Variants in ZNF423 observed in about 807,000 individuals in gnomAD.
ZNF423 encodes zinc finger protein 423.
A neutral mutation model predicts 95.8 loss-of-function variants in ZNF423; 12 were observed. The ratio of observed to expected loss-of-function variants is 0.13; its 90% CI spans 0.08 to 0.20. ZNF423 has a LOEUF of 0.20. Among genes scored for constraint, ZNF423 ranks in the 10% least tolerant of loss-of-function variants. The probability of loss-of-function intolerance (pLI) is 1.00; values close to 1 mark genes in which losing one functional copy is unlikely to be tolerated. For missense variants in ZNF423, 1,316 were observed against 1,737.1 expected (o/e 0.76, Z 4.31); for synonymous variants, 749 against 711.9 (o/e 1.05, Z -0.83).
At chr16:49,500,595 T>C (rs970799428) in intron 7 of ZNF423, among the ~76,000 whole-genome samples, 2 of 152,088 alleles carry the variant, frequency 1.3e-5, no homozygotes, top group African/African-American at 4.8e-5. Context: ...GAGAAGAGCC[T>C]GGGGTGGAAG....
chr16:49,849,423 C>T (rs950320120), intron 1 of ZNF423, among the ~76,000 whole-genome samples: 5 of 152,136 alleles, frequency 3.3e-5, no homozygotes, highest in Non-Finnish European at 7.3e-5. Flanking sequence ...CCTCAATGAC[C>T]CCAAATCCAG....
intron 3 of ZNF423, among the ~76,000 whole-genome samples, chr16:49,703,412 G>A (rs882351): frequency 0.012 from 1,883 of 152,330 alleles, 32 homozygotes; most frequent in African/African-American, 0.043. Context: ...CCAGGGCAGG[G>A]TGCCCATCCA....
chr16:49,727,446 T>A (rs1351375880), intron 3 of ZNF423, among the ~76,000 whole-genome samples: 1 of 109,608 alleles, frequency 9.1e-6, no homozygotes, highest in African/African-American at 3.6e-5. Context: ...CACAGCACTG[T>A]CCCAGATTCT....
chr16:49,793,921 G>A (rs1460427814), intron 1 of ZNF423, among the ~76,000 whole-genome samples: 1 of 152,182 alleles, frequency 6.6e-6, no homozygotes, highest in Non-Finnish European at 1.5e-5. Flanking sequence ...ACACTGGGAG[G>A]GGTCCCAGCA....
rs76199401 is a variant in ZNF423, at chr16:49,626,210, G to A, written c.3561C>T (p.Asn1187=). 8.0e-5 allele frequency: 129 copies of A among 1,613,992 alleles called. No homozygotes were observed. The East Asian group carries it at 2.5e-3, about 31-fold the overall frequency. The part of the protein sequence containing the change: ...QCIKCQMTFE[N]EREIQIHVAN... ...CAACGTGGATTTGGATCTCTCTCTC[G>A]TTCTCGAAGGTCATCTGGCACTTGA... Residue 1187 remains asparagine, a synonymous_variant, in exon 5 of 8, where the codon AAC becomes AAT. Transcript: ENST00000563137.
intron 3 of ZNF423, among the ~76,000 whole-genome samples, chr16:49,677,275 A>AGAGAAGAGAAGAGAT (rs2031115046): frequency 1.3e-5 from 1 of 76,522 alleles, no homozygotes; most frequent in African/African-American, 5.0e-5. Context: ...AGAGAAGAGA[A>AGAGAAGAGAAGAGAT]GAGAAGAGAA....
At chr16:49,562,395 G>T (rs1970048512) in intron 5 of ZNF423, among the ~76,000 whole-genome samples, 2 of 152,214 alleles carry the variant, frequency 1.3e-5, no homozygotes, top group Non-Finnish European at 2.9e-5. Flanking sequence ...TAGGACACAG[G>T]AGGATGGATG....
chr16:49,846,461 T>C (rs1054399751), intron 1 of ZNF423, among the ~76,000 whole-genome samples: 4 of 152,132 alleles, frequency 2.6e-5, no homozygotes, highest in African/African-American at 9.7e-5. Context: ...TCAACCTGTG[T>C]TTTTCAGGAT....
At chr16:49,794,021 GTCTCTCTCTCTC>G (rs5816660) in intron 1 of ZNF423, among the ~76,000 whole-genome samples, 2 of 148,656 alleles carry the variant, frequency 1.3e-5, no homozygotes, top group East Asian at 4.0e-4. Context: ...GTCTGTCTCT[GTCTCTCTCTCTC>G]TCTCTCTCTC....
At chr16:49,784,767 T>C (rs2034282424) in intron 2 of ZNF423, among the ~76,000 whole-genome samples, 1 of 151,996 alleles carries the variant, frequency 6.6e-6, no homozygotes, top group South Asian at 2.1e-4. Context: ...CTGGCCAACA[T>C]GGTGAAACCC....
chr16:49,556,706 T>G (rs935379214), intron 5 of ZNF423, among the ~76,000 whole-genome samples: 1 of 152,246 alleles, frequency 6.6e-6, no homozygotes, highest in African/African-American at 2.4e-5. Context: ...GTCTTGAAGC[T>G]CAGCACAAAT....
intron 7 of ZNF423, among the ~76,000 whole-genome samples, chr16:49,510,019 G>A (rs1348610641): frequency 6.6e-6 from 1 of 152,252 alleles, no homozygotes; most frequent in African/African-American, 2.4e-5. Context: ...CAGGGTTGCA[G>A]GTTCAGCTCT....
intron 4 of ZNF423, among the ~76,000 whole-genome samples, chr16:49,632,014 T>C (rs1431153195): frequency 6.6e-6 from 1 of 152,160 alleles, no homozygotes; most frequent in South Asian, 2.1e-4. Context: ...GGGATCTGGA[T>C]AGGCCCTCTA....
chr16:49,786,346 A>T (rs2034313769), intron 2 of ZNF423, among the ~76,000 whole-genome samples: 2 of 152,208 alleles, frequency 1.3e-5, no homozygotes, highest in Admixed American at 6.5e-5. Flanking sequence ...GTGAAGACAC[A>T]AACTGCGCAT....
chr16:49,762,144 C>T (rs771423146), intron 2 of ZNF423, among the ~76,000 whole-genome samples: 4 of 152,202 alleles, frequency 2.6e-5, no homozygotes, highest in Admixed American at 6.5e-5. Context: ...TCAGCAAAGG[C>T]GTTGAGGCCC....
At chr16:49,538,994 C>T (rs1018159547) in intron 5 of ZNF423, among the ~76,000 whole-genome samples, 15 of 152,206 alleles carry the variant, frequency 9.9e-5, no homozygotes, top group African/African-American at 7.2e-5. Context: ...CAGACAAACA[C>T]GAGGTGCTCA....
intron 3 of ZNF423, among the ~76,000 whole-genome samples, chr16:49,716,519 C>T (rs2143204077): frequency 1.3e-5 from 2 of 152,302 alleles, no homozygotes; most frequent in Middle Eastern, 6.8e-3. Context: ...CAGTCAACTC[C>T]AAAATAAAAC....
At chr16:49,605,043 A>G (rs1287118332) in intron 5 of ZNF423, among the ~76,000 whole-genome samples, 3 of 152,224 alleles carry the variant, frequency 2.0e-5, no homozygotes, top group Non-Finnish European at 4.4e-5. Flanking sequence ...TGCCCATAAC[A>G]GCCCACTCTT....
rs569557944 is a variant in ZNF423 at position 49,803,617 on chromosome 16, G to A, written c.41-14071C>T. 2.0e-5 allele frequency among the ~76,000 whole-genome samples: 3 copies of A among 152,204 alleles called. No individual in the cohort carries two copies. In the South Asian group the frequency reaches 6.2e-4, roughly 32 times the overall value. ...TGAGAGAGATGAGAAAAGGAAGCTG[G>A]GTTTTGACCTTCAACCACTAGATGG... On this transcript the variant is annotated intron_variant, in intron 1 of 7. Coordinates refer to ENST00000563137, the MANE Select transcript of ZNF423 (RefSeq NM_001379286.1).
Sources: allele counts gnomAD v4.1 joint callset (sites outside exome capture counted in the v4.1 genomes callset), GRCh38; gene constraint gnomAD v4.1.1; transcripts MANE v1.5; gene names NCBI Gene and HGNC (gene_info 2026-07-23, HGNC 2026-07-21).